UBE2V2: variants seen among roughly 807,000 people sequenced by gnomAD.
UBE2V2 encodes the protein ubiquitin-conjugating enzyme E2 variant 2.
A neutral mutation model predicts 17.2 loss-of-function variants in UBE2V2; 9 were observed. The observed-to-expected ratio is 0.52, with a 90% CI of 0.32 to 0.91. The LOEUF (loss-of-function observed/expected upper bound fraction) is 0.91. Ranked by LOEUF, UBE2V2 falls within the 40% of genes least tolerant of loss-of-function variation. The pLI is 0.04. For missense variants in UBE2V2, 133 were observed against 182.6 expected (o/e 0.73, Z 1.56); for synonymous variants, 61 against 57.5 (o/e 1.06, Z -0.28).
the UBE2V2 span, among the ~76,000 whole-genome samples, chr8:47,999,775 A>G: frequency 6.6e-6 from 1 of 152,200 alleles, no homozygotes; most frequent in East Asian, 1.9e-4. Flanking sequence ...ACTGGGTTAA[A>G]GAAGGAAGGA....
At chr8:48,011,773 C>A (rs567568293) in intron 1 of UBE2V2, among the ~76,000 whole-genome samples, 94 of 152,278 alleles carry the variant, frequency 6.2e-4, no homozygotes, top group Non-Finnish European at 1.1e-3. Flanking sequence ...CCTACCTCAG[C>A]CTCCCGAGTA....
At chr8:48,037,652 C>G (rs747114634) in intron 1 of UBE2V2, among the ~76,000 whole-genome samples, 17 of 152,170 alleles carry the variant, frequency 1.1e-4, no homozygotes, top group Non-Finnish European at 2.2e-4. Context: ...TCCACAAGAG[C>G]AGGACTTTGA....
chr8:48,030,582 G>A (rs1221485587), intron 1 of UBE2V2, among the ~76,000 whole-genome samples: 2 of 152,182 alleles, frequency 1.3e-5, no homozygotes, highest in African/African-American at 4.8e-5. Flanking sequence ...TTAGCTGGAT[G>A]TAGTGGCATG....
chr8:48,057,207 T>G (rs1482084976), intron 3 of UBE2V2, among the ~76,000 whole-genome samples: 1 of 152,244 alleles, frequency 6.6e-6, no homozygotes, highest in African/African-American at 2.4e-5. Context: ...TGATGAATAT[T>G]GTCATCTTCA....
chr8:48,030,162 A>G lies in UBE2V2; in HGVS notation c.17-12871A>G, dbSNP rs544563170. On this transcript the variant is annotated intron_variant, in intron 1 of 3. Coordinates refer to ENST00000523111, the MANE Select transcript of UBE2V2 (RefSeq NM_003350.3). ...GTGTATCCAGGTGAAATCTTCTGCA[A>G]TAACTTACTGCATTATATTTGGATG... 7.0e-4 allele frequency among the ~76,000 whole-genome samples: 107 copies of G among 152,334 alleles called. 1 individual carries two copies. The South Asian group carries it at 8.7e-3, about 12-fold the overall frequency.
At chr8:48,028,974 CA>C (rs554074642) in intron 1 of UBE2V2, among the ~76,000 whole-genome samples, 1 of 151,976 alleles carries the variant, frequency 6.6e-6, no homozygotes, top group Non-Finnish European at 1.5e-5. Context: ...TGATGAAGAC[CA>C]ATTAATTTTT....
In UBE2V2 at chr8:48,064,621, GA is replaced by G. The variant is rs1464915284; in HGVS notation, c.*3797del. ...ATACACAATAAGTATTTTCTGAAGA[GA>G]AAATTAATGAAGGTATTTAATGATA... On this transcript the variant is annotated 3_prime_UTR_variant, in exon 4 of 4. Transcript: ENST00000523111. 1 of 151,932 alleles carries G rather than the reference GA, an allele frequency of 6.6e-6. No homozygotes were observed. The highest frequency in any genetic ancestry group is 1.9e-4 in the East Asian group (1 of 5,178). The allele number at this position is 151,932 out of a possible 1,614,324, so 9.4% of individuals were successfully genotyped here.
At chr8:48,003,140 G>T in the UBE2V2 span, among the ~76,000 whole-genome samples, 1 of 151,688 alleles carries the variant, frequency 6.6e-6, no homozygotes, top group Non-Finnish European at 1.5e-5. Context: ...AACTCGGGAG[G>T]TGGAGGTTGC....
At chr8:48,016,545 T>C (rs1243537328) in intron 1 of UBE2V2, among the ~76,000 whole-genome samples, 5 of 151,524 alleles carry the variant, frequency 3.3e-5, no homozygotes, top group Admixed American at 6.6e-5. Context: ...TGCAATGGCA[T>C]GATCTCGGCT....
chr8:48,061,496 A>C lies in UBE2V2; in HGVS notation c.*668A>C, dbSNP rs1315328892. 1 of 152,656 alleles carries C rather than the reference A, an allele frequency of 6.6e-6. No individual in the cohort carries two copies. The highest frequency in any genetic ancestry group is 1.5e-5 in the Non-Finnish European group (1 of 68,034). The allele number at this position is 152,656 out of a possible 1,614,324, so 9.5% of individuals were successfully genotyped here. A position where few individuals can be genotyped will look rare whatever the true frequency, so the allele number is the denominator to read the frequency against. ...TTTAAGTGAAGTCAACAAAAAGGAA[A>C]TAGGTGTATGGATATGTGATTTTGA... On this transcript the variant is annotated 3_prime_UTR_variant, in exon 4 of 4. Transcript: ENST00000523111.
intron 1 of UBE2V2, among the ~76,000 whole-genome samples, chr8:48,014,942 G>T (rs1271469038): frequency 6.6e-6 from 1 of 151,148 alleles, no homozygotes; most frequent in African/African-American, 2.4e-5. Flanking sequence ...CCTGGCTACT[G>T]GGGAGACTGA....
chr8:48,023,832 C>T (rs1039225559), intron 1 of UBE2V2, among the ~76,000 whole-genome samples: 24 of 151,980 alleles, frequency 1.6e-4, no homozygotes, highest in Admixed American at 1.4e-3. Flanking sequence ...GCCAAGATTG[C>T]GCCACTGTAC....
At chr8:48,010,238 A>ATTT (rs750999592) in intron 1 of UBE2V2, among the ~76,000 whole-genome samples, 1 of 139,420 alleles carries the variant, frequency 7.2e-6, no homozygotes. Context: ...GGGAGTCTGT[A>ATTT]TTTTTTTTTT....
chr8:48,035,104 A>C, intron 1 of UBE2V2: 3 of 715,426 alleles, frequency 4.2e-6, no homozygotes, highest in Non-Finnish European at 3.3e-6. Flanking sequence ...TTCCCTATTT[A>C]TTCTTTTTTT....
Position 48,060,909 on chromosome 8 carries a change from T to G in UBE2V2, c.*81T>G. On this transcript the variant is annotated 3_prime_UTR_variant, in exon 4 of 4. Transcript: ENST00000523111. ...CTTGATTAAATATCACAATGCAAAA[T>G]ACACATTAAGTAAAAGAATTCCAGC... 7.9e-7 allele frequency: 1 copy of G among 1,262,990 alleles called. No homozygotes were observed. The highest frequency in any genetic ancestry group is 1.0e-6 in the Non-Finnish European group (1 of 970,018). The allele number at this position is 1,262,990 out of a possible 1,614,324, so 78.2% of individuals were successfully genotyped here. A position where few individuals can be genotyped will look rare whatever the true frequency, so the allele number is the denominator to read the frequency against.
At chr8:48,049,676 T>A in intron 2 of UBE2V2, 177 bp from the exon 3 acceptor site, 1 of 450,628 alleles carries the variant, frequency 2.2e-6, no homozygotes, top group East Asian at 4.0e-5. Flanking sequence ...GTATGCTTAT[T>A]GCATTTTTTC....
chr8:48,023,167 T>C (rs1266879886), intron 1 of UBE2V2, among the ~76,000 whole-genome samples: 2 of 152,120 alleles, frequency 1.3e-5, no homozygotes, highest in African/African-American at 4.8e-5. Context: ...GCCATATACT[T>C]ATAACTTTCT....
Position 48,062,024 on chromosome 8 carries a change from A to G in UBE2V2, c.*1196A>G, listed in dbSNP as rs562020624. 2.0e-5 allele frequency: 3 copies of G among 152,094 alleles called. No homozygotes were observed. The highest frequency in any genetic ancestry group is 1.9e-4 in the East Asian group (1 of 5,190). 9.4% of individuals were successfully genotyped at this position (152,094 alleles called of 1,614,324 possible). ...ACTTTATTCATTCCTCGTATTCTCTACTCTAACAAATATGAACTCTGAAGT... is the reference window on the plus strand; with the variant it reads ...ACTTTATTCATTCCTCGTATTCTCTGCTCTAACAAATATGAACTCTGAAGT... On this transcript the variant is annotated 3_prime_UTR_variant, in exon 4 of 4. Transcript: ENST00000523111.
At chr8:48,016,587 A>G (rs1043808576) in intron 1 of UBE2V2, among the ~76,000 whole-genome samples, 15 of 151,666 alleles carry the variant, frequency 9.9e-5, no homozygotes, top group African/African-American at 2.4e-4. Context: ...GGTTCAAGCA[A>G]TTCTCCTGCC....
Sources: allele counts gnomAD v4.1 joint callset (sites outside exome capture counted in the v4.1 genomes callset), GRCh38; gene constraint gnomAD v4.1.1; transcripts MANE v1.5; gene names NCBI Gene and HGNC (gene_info 2026-07-23, HGNC 2026-07-21).